ROBO1: variants seen among roughly 807,000 people sequenced by gnomAD.
ROBO1 encodes the protein roundabout guidance receptor 1, also known as roundabout homolog 1.
ROBO1 carries 149 observed loss-of-function variants against 195.9 expected under a neutral mutation model. The observed-to-expected ratio is 0.76, with a 90% CI of 0.67 to 0.87. The LOEUF is 0.87. ROBO1 is among the 40% of genes least tolerant of loss of function. The pLI, the probability that ROBO1 is intolerant of heterozygous loss-of-function variation, is 0.00. For synonymous variants in ROBO1, 816 were observed against 733.2 expected, an observed-to-expected ratio of 1.11 and a Z score of -1.82; for missense variants, 1,933 against 2,068.3, an observed-to-expected ratio of 0.93 and a Z score of 1.27.
intron 2 of ROBO1, among the ~76,000 whole-genome samples, chr3:79,315,410 A>G (rs2033688416): frequency 1.3e-5 from 2 of 152,248 alleles, no homozygotes; most frequent in African/African-American, 4.8e-5. Context: ...CAGGCAAGAG[A>G]TTATAGTGAA....
intron 2 of ROBO1, among the ~76,000 whole-genome samples, chr3:79,344,478 G>A (rs1029964785): frequency 1.3e-5 from 2 of 152,106 alleles, no homozygotes; most frequent in African/African-American, 4.8e-5. Context: ...ATAGTTGAAC[G>A]CAATAAGTGA....
chr3:79,042,533 C>CA (rs201674277), intron 3 of ROBO1, among the ~76,000 whole-genome samples: 196 of 151,554 alleles, frequency 1.3e-3, no homozygotes, highest in African/African-American at 4.5e-3. Flanking sequence ...TTGTAATTTC[C>CA]AAAAAAAAGT....
At chr3:78,742,865 T>C (rs894716072) in intron 5 of ROBO1, among the ~76,000 whole-genome samples, 6 of 152,194 alleles carry the variant, frequency 3.9e-5, no homozygotes, top group Non-Finnish European at 7.4e-5. Context: ...GGGGAACTGG[T>C]GCTCTTTAAT....
chr3:79,441,148 A>G (rs1389631207), intron 2 of ROBO1, among the ~76,000 whole-genome samples: 4 of 152,152 alleles, frequency 2.6e-5, no homozygotes, highest in Non-Finnish European at 5.9e-5. Context: ...AAAAGAGTAT[A>G]AACACATTTA....
intron 2 of ROBO1, among the ~76,000 whole-genome samples, chr3:79,380,487 T>C (rs774528553): frequency 3.9e-5 from 6 of 152,234 alleles, no homozygotes; most frequent in African/African-American, 1.4e-4. Context: ...ATCCCTATTA[T>C]GCTCTTGCAA....
chr3:79,040,726 T>C (rs1056933421), intron 3 of ROBO1, among the ~76,000 whole-genome samples: 4 of 152,234 alleles, frequency 2.6e-5, no homozygotes, highest in African/African-American at 9.6e-5. Context: ...CACTAGAACT[T>C]AGTTTTTATC....
intron 4 of ROBO1, among the ~76,000 whole-genome samples, chr3:78,845,065 C>G (rs72896425): frequency 6.6e-6 from 1 of 152,072 alleles, no homozygotes; most frequent in Non-Finnish European, 1.5e-5. Flanking sequence ...TCAAGTTCTA[C>G]CTTAAGACTT....
chr3:78,933,003 T>A (rs1424018517), intron 4 of ROBO1, among the ~76,000 whole-genome samples: 1 of 152,132 alleles, frequency 6.6e-6, no homozygotes, highest in Non-Finnish European at 1.5e-5. Flanking sequence ...TCTAGAAAGT[T>A]GCTAAGGATT....
intron 3 of ROBO1, among the ~76,000 whole-genome samples, chr3:78,958,419 C>T (rs537118607): frequency 1.3e-5 from 2 of 152,202 alleles, no homozygotes; most frequent in African/African-American, 2.4e-5. Context: ...CTTATTTATC[C>T]ATTAGGCTAA....
chr3:78,704,576 G>C (rs1295547466), intron 8 of ROBO1, among the ~76,000 whole-genome samples: 2 of 136,120 alleles, frequency 1.5e-5, no homozygotes, highest in East Asian at 4.1e-4. Context: ...ATTATCTAAT[G>C]GTTCATTAAA....
chr3:79,738,023 A>C (rs1379300539), intron 1 of ROBO1, among the ~76,000 whole-genome samples: 1 of 152,130 alleles, frequency 6.6e-6, no homozygotes, highest in East Asian at 1.9e-4. Flanking sequence ...GAGGAGTGAC[A>C]ATGTACTTCT....
chr3:78,858,925 C>T (rs1463025531), intron 4 of ROBO1, among the ~76,000 whole-genome samples: 1 of 152,096 alleles, frequency 6.6e-6, no homozygotes, highest in Non-Finnish European at 1.5e-5. Flanking sequence ...GTAATGAAGG[C>T]AGTGTCTAAG....
rs374531222 is a variant in ROBO1, at chr3:79,274,919, C to T, written c.89-149380G>A. On this transcript the variant is annotated intron_variant, in intron 2 of 30. Transcript: ENST00000464233. ...TAAATTCCTAGAAACATACAACCTA[C>T]CAAGATTGAACTATGAAGAAATCTA... Among the ~76,000 whole-genome samples the T allele has an allele frequency of 6.0e-4, 91 of 151,946 alleles. No homozygotes were observed. In the South Asian group the frequency reaches 6.8e-3, roughly 11 times the overall value.
intron 4 of ROBO1, among the ~76,000 whole-genome samples, chr3:78,837,953 T>C (rs919668250): frequency 2.0e-5 from 3 of 152,236 alleles, no homozygotes; most frequent in African/African-American, 7.2e-5. Context: ...TTAATGTTAA[T>C]ATCCAATTAA....
intron 1 of ROBO1, among the ~76,000 whole-genome samples, chr3:79,669,211 A>C (rs556724216): frequency 2.0e-5 from 3 of 151,874 alleles, no homozygotes; most frequent in Admixed American, 2.0e-4. Context: ...GGTTTTAAAA[A>C]CGGAGTTTCC....
At chr3:79,728,492 A>G (rs1703016058) in intron 1 of ROBO1, among the ~76,000 whole-genome samples, 1 of 152,198 alleles carries the variant, frequency 6.6e-6, no homozygotes, top group South Asian at 2.1e-4. Context: ...ACCTTGACTG[A>G]CAATAAGTAG....
Position 79,297,377 on chromosome 3 carries a change from G to C in ROBO1, c.89-171838C>G, listed in dbSNP as rs568607970. 7.2e-5 allele frequency among the ~76,000 whole-genome samples: 11 copies of C among 152,222 alleles called. No individual in the cohort carries two copies. In the East Asian group the frequency reaches 1.7e-3, roughly 24 times the overall value. Reference sequence around the variant, plus strand: ...CCACCATGATTCACAGTGCTATAGGGACAATTACATAACTGTTTGACTTTT... The same window carrying C: ...CCACCATGATTCACAGTGCTATAGGCACAATTACATAACTGTTTGACTTTT... On this transcript the variant is annotated intron_variant, in intron 2 of 30. Coordinates refer to ENST00000464233, the MANE Select transcript of ROBO1 (RefSeq NM_002941.4).
intron 2 of ROBO1, among the ~76,000 whole-genome samples, chr3:79,371,654 A>C (rs925977895): frequency 1.3e-5 from 2 of 152,206 alleles, no homozygotes; most frequent in African/African-American, 4.8e-5. Context: ...AACATTGAGG[A>C]TGAAGAAAGT....
At chr3:78,891,686 CAA>C (rs2036904725) in intron 4 of ROBO1, among the ~76,000 whole-genome samples, 1 of 152,154 alleles carries the variant, frequency 6.6e-6, no homozygotes, top group East Asian at 1.9e-4. Context: ...GAAAATAATC[CAA>C]GTGTCCGTTC....
Sources: gnomAD v4.1 joint callset for allele counts (sites outside exome capture counted in the v4.1 genomes callset) on GRCh38, gnomAD v4.1.1 for gene constraint, MANE v1.5 for transcripts, NCBI Gene and HGNC (gene_info 2026-07-23, HGNC 2026-07-21) for gene names.